The following EPHA3 variants were observed in gnomAD, a reference collection of about 807,000 sequenced individuals.
EPHA3 encodes ephrin type-A receptor 3.
In EPHA3, 42 loss-of-function variants were observed where a neutral mutation model predicts 107.1. That is an observed-to-expected ratio of 0.39 (90% confidence interval 0.31 to 0.51). The LOEUF (loss-of-function observed/expected upper bound fraction) is 0.51, where lower values mean the gene tolerates loss of function less well. Ranked by LOEUF, EPHA3 falls within the 20% of genes least tolerant of loss-of-function variation. The pLI, the probability that EPHA3 is intolerant of heterozygous loss-of-function variation, is 0.78. For missense variants in EPHA3, 1,183 were observed against 1,211.2 expected (o/e 0.98, Z 0.35); for synonymous variants, 461 against 424.8 (o/e 1.09, Z -1.05).
At chr3:89,404,839 A>G (rs1394469442) in intron 7 of EPHA3, among the ~76,000 whole-genome samples, 3 of 152,172 alleles carry the variant, frequency 2.0e-5, no homozygotes, top group Non-Finnish European at 2.9e-5. Context: ...TGGCTAATCA[A>G]AATAACCACA....
chr3:89,416,815 C>G (rs1265786903), intron 10 of EPHA3, among the ~76,000 whole-genome samples: 1 of 151,356 alleles, frequency 6.6e-6, no homozygotes, highest in African/African-American at 2.4e-5. Context: ...GTCCCACTTA[C>G]AACAAAGAAC....
Position 89,419,289 on chromosome 3 carries a change from G to T in EPHA3, c.1973G>T (p.Gly658Val). The T allele has an allele frequency of 6.2e-7, 1 of 1,610,558 alleles. No homozygotes were observed. The highest frequency in any genetic ancestry group is 8.5e-7 in the Non-Finnish European group (1 of 1,177,786). Reference sequence around the variant, plus strand: ...GTGGCCATTAAGACCCTGAAAGTTGGCTACACAGAAAAGCAGAGGAGAGAC... The same window carrying T: ...GTGGCCATTAAGACCCTGAAAGTTGTCTACACAGAAAAGCAGAGGAGAGAC... ...ISVAIKTLKV[G>V]YTEKQRRDFL... Residue 658 changes from glycine (G) to valine (V), a missense_variant, in exon 11 of 17, where the codon GGC becomes GTC. Physicochemically the swap from Gly to Val is moderately radical, Grantham distance 109. Coordinates refer to ENST00000336596, the MANE Select transcript of EPHA3 (RefSeq NM_005233.6).
rs555206693 is a variant in EPHA3 at position 89,278,522 on chromosome 3, C to T, written c.815-62394C>T. Among the ~76,000 whole-genome samples the T allele has an allele frequency of 3.3e-5, 5 of 152,250 alleles. No homozygotes were observed. In the South Asian group the frequency reaches 8.3e-4, roughly 25 times the overall value. ...GGGCGAATGGAATGCCATGTGTACT[C>T]CCAGCAGGAGGACATTCCAGAAGGC... On this transcript the variant is annotated intron_variant, in intron 3 of 16. Transcript: ENST00000336596.
chr3:89,193,134 T>C (rs1705757929), intron 2 of EPHA3, among the ~76,000 whole-genome samples: 1 of 152,042 alleles, frequency 6.6e-6, no homozygotes, highest in Admixed American at 6.6e-5. Context: ...AACCACAAAA[T>C]ATCTGAATAT....
chr3:89,209,809 C>A, intron 2 of EPHA3, 51 bp from the exon 3 acceptor site: 2 of 1,453,694 alleles, frequency 1.4e-6, no homozygotes, highest in East Asian at 2.3e-5. Flanking sequence ...ATGTTGTATT[C>A]GTTATTATCA....
chr3:89,285,341 G>A (rs770523682), intron 3 of EPHA3, among the ~76,000 whole-genome samples: 6 of 152,018 alleles, frequency 3.9e-5, no homozygotes, highest in Non-Finnish European at 7.4e-5. Flanking sequence ...AAACACTTAG[G>A]TGCTAGGCAA....
At chr3:89,287,844 A>G (rs1376133300) in intron 3 of EPHA3, among the ~76,000 whole-genome samples, 9 of 152,068 alleles carry the variant, frequency 5.9e-5, no homozygotes, top group Admixed American at 5.9e-4. Flanking sequence ...CCCACTCAAG[A>G]TTCTCCCGTG....
At chr3:89,416,289 A>G (rs1709244522) in intron 10 of EPHA3, among the ~76,000 whole-genome samples, 1 of 151,536 alleles carries the variant, frequency 6.6e-6, no homozygotes, top group African/African-American at 2.4e-5. Context: ...TAAAAAATCA[A>G]GATCTGGCAG....
chr3:89,174,603 T>A (rs559278694), intron 2 of EPHA3, among the ~76,000 whole-genome samples: 2 of 152,038 alleles, frequency 1.3e-5, no homozygotes, highest in South Asian at 2.1e-4. Context: ...TTTTTAAGAA[T>A]CCCTGTCTTG....
At chr3:89,124,493 G>C (rs906932826) in intron 1 of EPHA3, among the ~76,000 whole-genome samples, 2 of 151,974 alleles carry the variant, frequency 1.3e-5, no homozygotes, top group African/African-American at 2.4e-5. Context: ...CAAACAAAAG[G>C]CACTTTATAA....
intron 2 of EPHA3, among the ~76,000 whole-genome samples, chr3:89,159,014 C>T (rs1704864657): frequency 6.6e-6 from 1 of 151,920 alleles, no homozygotes; most frequent in Admixed American, 6.6e-5. Flanking sequence ...TTATAAATAG[C>T]CTCACCCACA....
At chr3:89,362,652 G>A (rs1487458046) in intron 5 of EPHA3, among the ~76,000 whole-genome samples, 3 of 150,908 alleles carry the variant, frequency 2.0e-5, no homozygotes, top group African/African-American at 7.3e-5. Flanking sequence ...GATGGGGCAA[G>A]GGAGAAGGAG....
rs753848304 is a variant in EPHA3, at chr3:89,113,485, C to CAAAAAAAAAAAAAAA, written c.88+5663_88+5677dup. On this transcript the variant is annotated intron_variant, in intron 1 of 16. Transcript: ENST00000336596. ...TTGCCTCCTACCAGCTTCCTTTGTA[C>CAAAAAAAAAAAAAAA]AAAAAAAAAAAAAAAAAAAAAAAAA... Among the ~76,000 whole-genome samples the CAAAAAAAAAAAAAAA allele has an allele frequency of 8.0e-4, 25 of 31,102 alleles. 8 individuals carry two copies. The highest frequency in any genetic ancestry group is 2.5e-3 in the Admixed American group (3 of 1,210). The allele number at this position is 31,102 out of a possible 152,430, so 20.4% of individuals were successfully genotyped here. A position where few individuals can be genotyped will look rare whatever the true frequency, so the allele number is the denominator to read the frequency against.
At position 89,241,855 on chromosome 3, in the gene EPHA3, T is replaced by G. The variant is rs1241758299; in HGVS notation, c.814+31335T>G. Among the ~76,000 whole-genome samples, 44 of 152,158 alleles carry G rather than the reference T, an allele frequency of 2.9e-4. 2 individuals carry two copies. Among genetic ancestry groups the G allele is most frequent in the Admixed American group, 2.9e-3 (44 of 15,280 alleles). On this transcript the variant is annotated intron_variant, in intron 3 of 16. Transcript: ENST00000336596. The stretch of plus-strand genomic sequence containing the variant: ...AGAAAACATATTTTAAGAAATAAAC[T>G]AATTGTTTTTTCCAATGATAGTTTA...
intron 11 of EPHA3, among the ~76,000 whole-genome samples, chr3:89,425,540 C>G (rs1559691553): frequency 2.7e-5 from 4 of 150,692 alleles, no homozygotes; most frequent in Admixed American, 1.3e-4. Context: ...AGTGTTAGAC[C>G]CAATGACTGT....
intron 11 of EPHA3, among the ~76,000 whole-genome samples, chr3:89,427,344 T>G (rs1176224474): frequency 6.6e-6 from 1 of 151,902 alleles, no homozygotes; most frequent in Non-Finnish European, 1.5e-5. Flanking sequence ...AAAGAGTTTT[T>G]TACACATGAA....
intron 16 of EPHA3, among the ~76,000 whole-genome samples, chr3:89,477,229 C>T (rs1710534029): frequency 6.6e-6 from 1 of 152,124 alleles, no homozygotes; most frequent in African/African-American, 2.4e-5. Context: ...ATCCGCAGTA[C>T]ACTAAGCGTG....
At chr3:89,321,271 G>A (rs1267140056) in intron 3 of EPHA3, among the ~76,000 whole-genome samples, 2 of 151,928 alleles carry the variant, frequency 1.3e-5, no homozygotes, top group Admixed American at 1.3e-4. Flanking sequence ...TGAGATCTGG[G>A]ACTAGTTCTT....
intron 13 of EPHA3, among the ~76,000 whole-genome samples, chr3:89,437,681 A>G (rs569181359): frequency 6.6e-6 from 1 of 152,260 alleles, no homozygotes; most frequent in East Asian, 1.9e-4. Flanking sequence ...ATATTTCTAT[A>G]TTCATATGTT....
Sources: allele counts gnomAD v4.1 joint callset (sites outside exome capture counted in the v4.1 genomes callset), GRCh38; gene constraint gnomAD v4.1.1; transcripts MANE v1.5; gene names NCBI Gene and HGNC (gene_info 2026-07-23, HGNC 2026-07-21).